ZCCHC7: variants seen among roughly 807,000 people sequenced by gnomAD.
ZCCHC7 encodes zinc finger CCHC-type containing 7.
Under a neutral mutation model 52.0 loss-of-function variants are expected in ZCCHC7, and 35 were observed. That is an observed-to-expected ratio of 0.67 (90% CI 0.51 to 0.89). The LOEUF (loss-of-function observed/expected upper bound fraction) is 0.89. Among genes scored for constraint, ZCCHC7 ranks in the 40% least tolerant of loss-of-function variants. The pLI is 0.00. For missense variants in ZCCHC7, 574 were observed against 649.1 expected, an observed-to-expected ratio of 0.88 and a Z score of 1.26; for synonymous variants, 217 against 221.5, an observed-to-expected ratio of 0.98 and a Z score of 0.18.
intron 2 of ZCCHC7, among the ~76,000 whole-genome samples, chr9:37,269,129 T>C (rs185223295): frequency 2.6e-5 from 4 of 152,302 alleles, no homozygotes; most frequent in East Asian, 1.9e-4. Flanking sequence ...AGGTAGGCCA[T>C]TGTGGCTTGA....
At chr9:37,318,507 A>G (rs1829919782) in intron 5 of ZCCHC7, among the ~76,000 whole-genome samples, 1 of 151,984 alleles carries the variant, frequency 6.6e-6, no homozygotes, top group East Asian at 1.9e-4. Flanking sequence ...TGAAATATAA[A>G]TAAGTTGCTA....
chr9:37,221,111 A>G (rs1824787787), intron 2 of ZCCHC7, among the ~76,000 whole-genome samples: 1 of 152,232 alleles, frequency 6.6e-6, no homozygotes, highest in Non-Finnish European at 1.5e-5. Context: ...ACAGAGGCAC[A>G]TCAGTAGCAC....
At chr9:37,335,133 C>G (rs913598110) in intron 6 of ZCCHC7, among the ~76,000 whole-genome samples, 1 of 151,958 alleles carries the variant, frequency 6.6e-6, no homozygotes, top group Non-Finnish European at 1.5e-5. Context: ...CATTTTTGTT[C>G]AGTTAGGAAA....
chr9:37,301,395 G>C (rs1015940082), intron 2 of ZCCHC7, among the ~76,000 whole-genome samples: 4 of 152,098 alleles, frequency 2.6e-5, no homozygotes, highest in African/African-American at 9.7e-5. Context: ...TCAGGAGTTT[G>C]AGACCAGCCT....
intron 2 of ZCCHC7, among the ~76,000 whole-genome samples, chr9:37,241,595 CTT>C (rs1187990606): frequency 1.3e-5 from 2 of 151,824 alleles, no homozygotes; most frequent in Admixed American, 6.6e-5. Context: ...GGAATAATCA[CTT>C]TTTCCTTTTG....
At chr9:37,149,745 G>C (rs1285784263) in intron 2 of ZCCHC7, among the ~76,000 whole-genome samples, 1 of 152,070 alleles carries the variant, frequency 6.6e-6, no homozygotes, top group African/African-American at 2.4e-5. Context: ...TCATGTGTCA[G>C]CTTGCCTTTA....
chr9:37,199,410 C>T (rs369811340), intron 2 of ZCCHC7, among the ~76,000 whole-genome samples: 1 of 149,932 alleles, frequency 6.7e-6, no homozygotes, highest in Non-Finnish European at 1.5e-5. Context: ...CAGCTCGCTG[C>T]AACCTCCACC....
intron 1 of ZCCHC7, among the ~76,000 whole-genome samples, chr9:37,121,950 A>C (rs1025567359): frequency 2.6e-5 from 4 of 152,200 alleles, no homozygotes; most frequent in African/African-American, 9.7e-5. Flanking sequence ...CCCTTTAGAC[A>C]ATTGTGTTTC....
At chr9:37,152,820 G>C (rs1820604411) in intron 2 of ZCCHC7, among the ~76,000 whole-genome samples, 1 of 152,130 alleles carries the variant, frequency 6.6e-6, no homozygotes, top group South Asian at 2.1e-4. Context: ...TTCCCAAACA[G>C]TATTCTTTGG....
chr9:37,157,672 C>T (rs1820888927), intron 2 of ZCCHC7, among the ~76,000 whole-genome samples: 1 of 152,126 alleles, frequency 6.6e-6, no homozygotes. Context: ...ATACAAATAA[C>T]TAACAGATAT....
chr9:37,249,456 CT>C lies in ZCCHC7; in HGVS notation c.611-52712del, dbSNP rs60166399. On this transcript the variant is annotated intron_variant, in intron 2 of 8. Transcript: ENST00000336755. ...TTGTACTTATATTTTCTTCTTCTTC[CT>C]TTTTTTTTTTTTTTTTTTTATTTGT... Among the ~76,000 whole-genome samples the C allele has an allele frequency of 6.0e-3, 667 of 111,222 alleles. 2 individuals carry two copies. The highest frequency in any genetic ancestry group is 7.2e-3 in the Non-Finnish European group (413 of 57,400). The allele number at this position is 111,222 out of a possible 152,430, so 73.0% of individuals were successfully genotyped here.
intron 2 of ZCCHC7, among the ~76,000 whole-genome samples, chr9:37,173,754 A>G (rs1398573300): frequency 6.6e-6 from 1 of 152,212 alleles, no homozygotes; most frequent in Admixed American, 6.5e-5. Flanking sequence ...TGAATCTACT[A>G]TAAACTTGTG....
chr9:37,212,059 A>G (rs981702108), intron 2 of ZCCHC7, among the ~76,000 whole-genome samples: 10 of 145,570 alleles, frequency 6.9e-5, no homozygotes, highest in African/African-American at 2.3e-4. Context: ...AAAAAAAAAA[A>G]AAAAAAGAAA....
intron 2 of ZCCHC7, among the ~76,000 whole-genome samples, chr9:37,241,197 T>C (rs1195840190): frequency 6.6e-6 from 1 of 151,818 alleles, no homozygotes; most frequent in Non-Finnish European, 1.5e-5. Context: ...TTTAGCTATT[T>C]AGATAAGTCC....
intron 2 of ZCCHC7, among the ~76,000 whole-genome samples, chr9:37,243,783 A>G (rs1275111093): frequency 1.3e-5 from 2 of 151,902 alleles, no homozygotes; most frequent in Non-Finnish European, 3.0e-5. Flanking sequence ...TGTAGATACA[A>G]CTGTATCAGC....
chr9:37,353,183 G>A (rs532307912), intron 7 of ZCCHC7, among the ~76,000 whole-genome samples: 1 of 152,044 alleles, frequency 6.6e-6, no homozygotes, highest in South Asian at 2.1e-4. Context: ...AATCTGAAAA[G>A]GCAAATAACT....
At chr9:37,351,789 T>C (rs1316989524) in intron 7 of ZCCHC7, among the ~76,000 whole-genome samples, 1 of 152,214 alleles carries the variant, frequency 6.6e-6, no homozygotes, top group Non-Finnish European at 1.5e-5. Flanking sequence ...AGCAGAGGGG[T>C]ATAATTTTAG....
chr9:37,301,114 G>A lies in ZCCHC7; in HGVS notation c.611-1074G>A, dbSNP rs917740318. 2.0e-5 allele frequency among the ~76,000 whole-genome samples: 3 copies of A among 152,286 alleles called. No individual in the cohort carries two copies. The South Asian group carries it at 6.2e-4, about 32-fold the overall frequency. On this transcript the variant is annotated intron_variant, in intron 2 of 8. Coordinates refer to ENST00000336755, the MANE Select transcript of ZCCHC7 (RefSeq NM_032226.3). ...TGTTATAATGAAAGTCATGTAGAATGCAAAGCTAGTGGACACAGTTAATAC... is the reference window on the plus strand; with the variant it reads ...TGTTATAATGAAAGTCATGTAGAATACAAAGCTAGTGGACACAGTTAATAC...
chr9:37,158,049 G>C (rs1369580562), intron 2 of ZCCHC7, among the ~76,000 whole-genome samples: 1 of 152,230 alleles, frequency 6.6e-6, no homozygotes, highest in African/African-American at 2.4e-5. Flanking sequence ...TCAACTGGTT[G>C]AAGCAGAAGT....
Sources: allele counts gnomAD v4.1 joint callset (sites outside exome capture counted in the v4.1 genomes callset), GRCh38; gene constraint gnomAD v4.1.1; transcripts MANE v1.5; gene names NCBI Gene and HGNC (gene_info 2026-07-23, HGNC 2026-07-21).